Variants in HMGCLL1 observed in about 807,000 individuals in gnomAD.
The protein encoded by HMGCLL1 is 3-hydroxy-3-methylglutaryl-CoA lyase like 1.
Under a neutral mutation model 39.1 loss-of-function variants are expected in HMGCLL1, and 36 were observed. The ratio of observed to expected loss-of-function variants is 0.92; its 90% CI spans 0.71 to 1.22. The LOEUF is 1.22. Ranked by LOEUF, HMGCLL1 falls within the 50% of genes most tolerant of loss-of-function variation. The pLI, the probability that HMGCLL1 is intolerant of heterozygous loss-of-function variation, is 0.00. For missense variants in HMGCLL1, 451 were observed against 416.5 expected (o/e 1.08, Z -0.72); for synonymous variants, 149 against 144.0 (o/e 1.03, Z -0.25).
intron 7 of HMGCLL1, among the ~76,000 whole-genome samples, chr6:55,478,137 T>G (rs897140183): frequency 4.0e-5 from 6 of 151,148 alleles, no homozygotes; most frequent in Non-Finnish European, 8.8e-5. Context: ...AATTTTATTT[T>G]ACACCTAAGT....
the HMGCLL1 span, among the ~76,000 whole-genome samples, chr6:55,677,186 C>T: frequency 9.9e-5 from 15 of 152,232 alleles, no homozygotes; most frequent in East Asian, 2.9e-3. Context: ...CACTTGAGCT[C>T]AGGAATTTGA....
upstream of HMGCLL1, among the ~76,000 whole-genome samples, chr6:55,583,907 T>G (rs1355143266): frequency 6.6e-6 from 1 of 152,184 alleles, no homozygotes; most frequent in African/African-American, 2.4e-5. Flanking sequence ...GCTTTCAGTC[T>G]TCTTACGGAG....
At chr6:55,658,677 A>G in the HMGCLL1 span, among the ~76,000 whole-genome samples, 1 of 152,000 alleles carries the variant, frequency 6.6e-6, no homozygotes, top group East Asian at 1.9e-4. Flanking sequence ...ATATAGCTAA[A>G]TCATTTCTTT....
intron 7 of HMGCLL1, among the ~76,000 whole-genome samples, chr6:55,453,883 G>A (rs758799216): frequency 9.9e-5 from 15 of 152,102 alleles, no homozygotes; most frequent in South Asian, 6.2e-4. Flanking sequence ...GAGATCTCTC[G>A]CTTAACAACA....
intron 5 of HMGCLL1, among the ~76,000 whole-genome samples, chr6:55,507,926 C>CT (rs906571318): frequency 8.0e-5 from 12 of 150,468 alleles, no homozygotes; most frequent in African/African-American, 1.7e-4. Flanking sequence ...TAATTGCCAC[C>CT]TTTTTTTTTG....
chr6:55,514,050 T>A lies in HMGCLL1; in HGVS notation c.540A>T (p.Arg180=). 1.2e-6 allele frequency: 2 copies of A among 1,610,696 alleles called. No individual in the cohort carries two copies. The highest frequency in any genetic ancestry group is 8.5e-7 in the Non-Finnish European group (1 of 1,178,964). Residue 180 remains arginine, a splice_region_variant and synonymous_variant, in exon 5 of 9, where the codon CGA becomes CGT. Coordinates refer to ENST00000274901, the MANE Select transcript of HMGCLL1 (RefSeq NM_001042406.2). ...AATTTGTGGGATTTCATAAGTACCCTCGTGCTGGAATATTCATGTGTCTTG... is the reference window on the plus strand; with the variant it reads ...AATTTGTGGGATTTCATAAGTACCCACGTGCTGGAATATTCATGTGTCTTG... ...KSARHMNIPA[R]GYVSCALGCP...
At chr6:55,569,462 G>A (rs746978076) in intron 1 of HMGCLL1, among the ~76,000 whole-genome samples, 1 of 152,134 alleles carries the variant, frequency 6.6e-6, no homozygotes, top group Non-Finnish European at 1.5e-5. Context: ...CACAAGAAAA[G>A]TTTAGGAAGC....
intron 3 of HMGCLL1, among the ~76,000 whole-genome samples, chr6:55,519,149 T>C (rs1269605814): frequency 6.6e-6 from 1 of 152,042 alleles, no homozygotes; most frequent in African/African-American, 2.4e-5. Context: ...CTGAAGGCAA[T>C]AGAAAGCCAT....
At chr6:55,488,024 CA>C (rs889850496) in intron 7 of HMGCLL1, among the ~76,000 whole-genome samples, 1 of 151,928 alleles carries the variant, frequency 6.6e-6, no homozygotes, top group Non-Finnish European at 1.5e-5. Context: ...TAGGTATATG[CA>C]TACATACATA....
chr6:55,641,021 TAAAGC>T, the HMGCLL1 span, among the ~76,000 whole-genome samples: 1 of 151,666 alleles, frequency 6.6e-6, no homozygotes, highest in Admixed American at 6.6e-5. Flanking sequence ...AATCAAAATA[TAAAGC>T]CATTAAGAAA....
At chr6:55,568,612 A>T (rs1452659320) in intron 1 of HMGCLL1, among the ~76,000 whole-genome samples, 1 of 152,210 alleles carries the variant, frequency 6.6e-6, no homozygotes, top group Non-Finnish European at 1.5e-5. Flanking sequence ...ACTACTACGT[A>T]GACTAACAAT....
intron 4 of HMGCLL1, 119 bp from the exon 5 acceptor site, chr6:55,514,315 A>G: frequency 1.5e-6 from 1 of 683,946 alleles, no homozygotes; most frequent in East Asian, 2.9e-5. Flanking sequence ...TTTGCCTTAG[A>G]ATTTAAAATT....
At chr6:55,581,374 A>G (rs1181064678), upstream of HMGCLL1, among the ~76,000 whole-genome samples, 2 of 152,104 alleles carry the variant, frequency 1.3e-5, no homozygotes. Context: ...AAATTTTTAA[A>G]CAAAATTTGT....
chr6:55,660,838 A>G, the HMGCLL1 span, among the ~76,000 whole-genome samples: 1 of 151,954 alleles, frequency 6.6e-6, no homozygotes, highest in Non-Finnish European at 1.5e-5. Context: ...ACTACCGCCA[A>G]TGGATTATAA....
chr6:55,454,637 TGAATGGGCC>T (rs1764244886), intron 7 of HMGCLL1, among the ~76,000 whole-genome samples: 1 of 152,100 alleles, frequency 6.6e-6, no homozygotes, highest in South Asian at 2.1e-4. Context: ...AGGACAGAGC[TGAATGGGCC>T]GAATAGTCAT....
chr6:55,474,353 G>T (rs1285168313), intron 7 of HMGCLL1, among the ~76,000 whole-genome samples: 1 of 151,406 alleles, frequency 6.6e-6, no homozygotes, highest in Non-Finnish European at 1.5e-5. Flanking sequence ...TTTATGAAGT[G>T]TCTACTGACA....
intron 7 of HMGCLL1, among the ~76,000 whole-genome samples, chr6:55,481,063 A>G (rs1261361218): frequency 3.9e-5 from 6 of 152,146 alleles, no homozygotes; most frequent in Admixed American, 3.9e-4. Context: ...ATTTGATAGC[A>G]TAACAAATGA....
chr6:55,493,016 C>A (rs1048054286), intron 7 of HMGCLL1, among the ~76,000 whole-genome samples: 1 of 150,688 alleles, frequency 6.6e-6, no homozygotes, highest in Non-Finnish European at 1.5e-5. Context: ...TAGCGTAAGC[C>A]GAAGATATGT....
chr6:55,655,235 A>T, the HMGCLL1 span, among the ~76,000 whole-genome samples: 1 of 151,718 alleles, frequency 6.6e-6, no homozygotes. Context: ...CTTTCCTTCT[A>T]CTTACTAGAG....
Sources: allele counts gnomAD v4.1 joint callset (sites outside exome capture counted in the v4.1 genomes callset), GRCh38; gene constraint gnomAD v4.1.1; transcripts MANE v1.5; gene names NCBI Gene and HGNC (gene_info 2026-07-23, HGNC 2026-07-21).